TRPV4: variants seen among roughly 807,000 people sequenced by gnomAD.
The protein encoded by TRPV4 is OSM9-like transient receptor potential channel 4.
Under a neutral mutation model 84.1 loss-of-function variants are expected in TRPV4, and 58 were observed. The ratio of observed to expected loss-of-function variants is 0.69; its 90% confidence interval spans 0.56 to 0.86. The LOEUF is 0.86. Among genes scored for constraint, TRPV4 ranks in the 40% least tolerant of loss-of-function variants. The pLI is 0.00. For missense variants in TRPV4, 879 were observed against 1,181.1 expected (o/e 0.74, Z 3.75); for synonymous variants, 489 against 500.9 (o/e 0.98, Z 0.32).
At chr12:109,817,043 G>A (rs193011590) in intron 1 of TRPV4, among the ~76,000 whole-genome samples, 1 of 152,298 alleles carries the variant, frequency 6.6e-6, no homozygotes, top group Admixed American at 6.5e-5. Flanking sequence ...AGCATGTGAG[G>A]CACCTACTCA....
At chr12:109,792,243 C>T in intron 12 of TRPV4, 120 bp downstream of exon 12, 1 of 374,646 alleles carries the variant, frequency 2.7e-6, no homozygotes, top group Non-Finnish European at 4.5e-6. Flanking sequence ...AACTCCACCT[C>T]AAAAAAAAAA....
chr12:109,826,995 T>C (rs529467724), intron 1 of TRPV4, among the ~76,000 whole-genome samples: 1 of 151,536 alleles, frequency 6.6e-6, no homozygotes, highest in African/African-American at 2.4e-5. Flanking sequence ...TCCTGGCACA[T>C]AGCAGCTGCT....
intron 1 of TRPV4, among the ~76,000 whole-genome samples, chr12:109,816,305 G>T (rs1277630589): frequency 6.6e-6 from 1 of 152,108 alleles, no homozygotes; most frequent in South Asian, 2.1e-4. Flanking sequence ...AGTCATTCAG[G>T]CCTGGGTTCT....
chr12:109,793,232 A>G lies in TRPV4; in HGVS notation c.1658+295T>C, dbSNP rs1322882489. Among the ~76,000 whole-genome samples the G allele has an allele frequency of 6.6e-6, 1 of 152,214 alleles. No homozygotes were observed. The highest frequency in any genetic ancestry group is 2.1e-4 in the South Asian group (1 of 4,826). On this transcript the variant is annotated intron_variant, in intron 10 of 15. Transcript: ENST00000261740. The surrounding 1 kb of genome is among the most constrained non-coding windows in gnomAD (Gnocchi z 4.0). ...CAACTCTTTCCCACTAAACACAGAC[A>G]CAGGTGCAAAATTCTTAACATGGCA...
chr12:109,817,808 T>C (rs2136682213), intron 1 of TRPV4, among the ~76,000 whole-genome samples: 1 of 152,210 alleles, frequency 6.6e-6, no homozygotes, highest in Non-Finnish European at 1.5e-5. Context: ...CATTTGGCAA[T>C]ATCTGATGAC....
intron 4 of TRPV4, among the ~76,000 whole-genome samples, chr12:109,802,620 T>TTTA (rs1565874279): frequency 2.8e-4 from 43 of 151,012 alleles, no homozygotes; most frequent in East Asian, 2.5e-3. Context: ...TTTTATTTTT[T>TTTA]TTTTTTTGTA....
intron 2 of TRPV4, among the ~76,000 whole-genome samples, chr12:109,809,125 T>G (rs1592854985): frequency 9.1e-6 from 1 of 109,546 alleles, no homozygotes; most frequent in Admixed American, 9.5e-5. Context: ...CCCATCCACC[T>G]ACCCACCCAT....
intron 1 of TRPV4, among the ~76,000 whole-genome samples, chr12:109,822,838 ACTGAG>A (rs1892144311): frequency 6.6e-6 from 1 of 152,218 alleles, no homozygotes. Flanking sequence ...CATGCAAAAC[ACTGAG>A]CCCAGTGCCT....
chr12:109,801,042 G>A lies in TRPV4; in HGVS notation c.713-284C>T, dbSNP rs1421363158. On this transcript the variant is annotated intron_variant, in intron 4 of 15. Transcript: ENST00000261740. ...TTAAAAATCCTAGAGGAGGCCAGGC[G>A]CAGGCTCACGCCTGTAATCCCAGCA... 3.3e-5 allele frequency among the ~76,000 whole-genome samples: 5 copies of A among 152,248 alleles called. No homozygotes were observed. In the East Asian group the frequency reaches 7.7e-4, roughly 23 times the overall value.
Position 109,796,472 on chromosome 12 carries a change from C to A in TRPV4, c.1332+53G>T, listed in dbSNP as rs1028971992. 40 of 1,603,228 alleles carry A rather than the reference C, an allele frequency of 2.5e-5. No homozygotes were observed. The highest frequency in any genetic ancestry group is 3.4e-5 in the Non-Finnish European group (40 of 1,173,244). On this transcript the variant is annotated intron_variant, in intron 7 of 15. Coordinates refer to ENST00000261740, the MANE Select transcript of TRPV4 (RefSeq NM_021625.5). The surrounding 1 kb of genome is among the most constrained non-coding windows in gnomAD (Gnocchi z 4.2). ...GCCCAGCCCCAGGGCCCTGTCCCTA[C>A]TCCCAGCCCTGCCCCTCCTTCCTCA...
rs374687292 is a variant in TRPV4 at position 109,829,185 on chromosome 12, T to TA, written c.-32+4164dup. On this transcript the variant is annotated intron_variant, in intron 1 of 15. Transcript: ENST00000261740. ...AGACCCTGTCTCTAAAAATAATAAATAAAAAAAAAAGTGAACAACAGGCAA... is the reference window on the plus strand; with the variant it reads ...AGACCCTGTCTCTAAAAATAATAAATAAAAAAAAAAAGTGAACAACAGGCAA... Among the ~76,000 whole-genome samples, 1,064 of 145,772 alleles carry TA rather than the reference T, an allele frequency of 7.3e-3. 21 individuals are homozygous for TA. Among genetic ancestry groups the TA allele is most frequent in the African/African-American group, 0.026 (1,015 of 39,640 alleles).
At position 109,798,949 on chromosome 12, in the gene TRPV4, G is replaced by A. The variant is rs1434546074; in HGVS notation, c.854-37C>T. 2 of 1,587,702 alleles carry A rather than the reference G, an allele frequency of 1.3e-6. No individual in the cohort carries two copies. Among genetic ancestry groups the A allele is most frequent in the Admixed American group, 1.7e-5 (1 of 59,506 alleles). On this transcript the variant is annotated intron_variant, in intron 5 of 15. Coordinates refer to ENST00000261740, the MANE Select transcript of TRPV4 (RefSeq NM_021625.5). This position sits in a 1 kb window ranked among gnomAD's most constrained non-coding sequence, Gnocchi z 5.0. ...GGTGAAGGGTGGGAGGTCAGCGAAG[G>A]GGGCCCAGGGTGGGACTCTGCCTGC...
chr12:109,801,463 ACTT>A (rs1890778985), intron 4 of TRPV4, among the ~76,000 whole-genome samples: 2 of 152,006 alleles, frequency 1.3e-5, no homozygotes, highest in South Asian at 2.1e-4. Flanking sequence ...TTTGCTTGGC[ACTT>A]CTTCTTCCTA....
intron 6 of TRPV4, among the ~76,000 whole-genome samples, chr12:109,797,266 C>T (rs1162071312): frequency 1.3e-5 from 2 of 152,116 alleles, no homozygotes; most frequent in Admixed American, 6.5e-5. Context: ...ATTCTCCTGC[C>T]TCAGCCTCCT....
intron 1 of TRPV4, among the ~76,000 whole-genome samples, chr12:109,825,207 A>T (rs926167891): frequency 1.1e-4 from 17 of 152,044 alleles, no homozygotes; most frequent in African/African-American, 4.1e-4. Flanking sequence ...TTTATTTTTT[A>T]AAATATTAAA....
In TRPV4 at chr12:109,796,645, G is replaced by C; in HGVS notation, c.1212C>G (p.Arg404=). 6.2e-7 allele frequency: 1 copy of C among 1,614,198 alleles called. No individual in the cohort carries two copies. The highest frequency in any genetic ancestry group is 1.1e-5 in the South Asian group (1 of 91,084). The part of the protein sequence containing the change: ...VTDEDTRHLS[R]KFKDWAYGPV... Reference sequence around the variant, plus strand: ...GCCCATAGGCCCAGTCCTTGAACTTGCGGGACAGGTGCCGTGTGTCCTCAT... The same window carrying C: ...GCCCATAGGCCCAGTCCTTGAACTTCCGGGACAGGTGCCGTGTGTCCTCAT... Residue 404 remains arginine (R), a synonymous_variant, in exon 7 of 16, where the codon CGC becomes CGG. Transcript: ENST00000261740. The surrounding 1 kb of genome is among the most constrained non-coding windows in gnomAD (Gnocchi z 4.2).
chr12:109,814,760 C>A lies in TRPV4; in HGVS notation c.37G>T (p.Gly13Trp), dbSNP rs763302555. 91 of 1,563,530 alleles carry A rather than the reference C, an allele frequency of 5.8e-5. No homozygotes were observed. The highest frequency in any genetic ancestry group is 7.3e-5 in the Non-Finnish European group (85 of 1,156,864). Residue 13 changes from glycine to tryptophan, a missense_variant, in exon 2 of 16, where the codon GGG (glycine) becomes TGG (tryptophan). Gly to Trp is a radical substitution (Grantham distance 184). This residue lies in a region of TRPV4 where 107 missense variants were observed against 99.4 expected (regional missense o/e 1.08). Transcript: ENST00000261740. The surrounding 1 kb of genome is among the most constrained non-coding windows in gnomAD (Gnocchi z 5.4). ...TCCCCGGGGAGCTCAGCCACCTCCC[C>A]GGGCCCCGCGCGGGGGCCTTCGCTG... ...DSSEGPRAGP[G>W]EVAELPGDES...
chr12:109,812,112 G>C (rs1891556413), intron 2 of TRPV4, among the ~76,000 whole-genome samples: 1 of 152,204 alleles, frequency 6.6e-6, no homozygotes, highest in Non-Finnish European at 1.5e-5. Context: ...GTCTGCAGGT[G>C]ACAGACAATA....
At chr12:109,800,410 A>G (rs1344553) in intron 5 of TRPV4, among the ~76,000 whole-genome samples, 1 of 27,672 alleles carries the variant, frequency 3.6e-5, no homozygotes, top group South Asian at 3.8e-3. Flanking sequence ...GGTCCATGGT[A>G]CTCCCCATGG....
Sources: gnomAD v4.1 joint callset for allele counts (sites outside exome capture counted in the v4.1 genomes callset) on GRCh38, gnomAD v4.1.1 for gene constraint, gnomAD v4.1.1 regional missense constraint, Gnocchi (gnomAD v3.1) non-coding constraint, MANE v1.5 for transcripts, NCBI Gene and HGNC (gene_info 2026-07-23, HGNC 2026-07-21) for gene names.